Variants in MAPK6 observed in about 807,000 individuals in gnomAD.
MAPK6 encodes mitogen-activated protein kinase 6.
MAPK6 carries 19 observed loss-of-function variants against 59.3 expected under a neutral mutation model. The ratio of observed to expected loss-of-function variants is 0.32; its 90% CI spans 0.22 to 0.47. The LOEUF (loss-of-function observed/expected upper bound fraction) is 0.47. Ranked by LOEUF, MAPK6 falls within the 20% of genes least tolerant of loss-of-function variation. The pLI is 1.00. For synonymous variants in MAPK6, 316 were observed against 290.3 expected (o/e 1.09, Z -0.90); for missense variants, 724 against 847.9 (o/e 0.85, Z 1.81).
intron 1 of MAPK6, among the ~76,000 whole-genome samples, chr15:52,039,509 C>CTTTTTTTTTTTTTTTTTTTTTT (rs11341546): frequency 1.2e-5 from 1 of 85,880 alleles, no homozygotes; most frequent in Non-Finnish European, 2.4e-5. Flanking sequence ...AGTGTTTTGT[C>CTTTTTTTTTTTTTTTTTTTTTT]TTTTTTTTTT....
At chr15:52,003,361 G>T (rs920415144) in intron 2 of MAPK6, among the ~76,000 whole-genome samples, 8 of 152,164 alleles carry the variant, frequency 5.3e-5, no homozygotes, top group Non-Finnish European at 1.2e-4. Flanking sequence ...TGAGATTTGG[G>T]TGGGGACACA....
At chr15:52,013,221 C>G (rs1402707724) in intron 3 of MAPK6, among the ~76,000 whole-genome samples, 1 of 151,108 alleles carries the variant, frequency 6.6e-6, no homozygotes, top group Non-Finnish European at 1.5e-5. Flanking sequence ...AAATGACCAA[C>G]CTCTTGGTTA....
At chr15:52,039,708 G>C (rs756626709) in intron 1 of MAPK6, among the ~76,000 whole-genome samples, 3 of 151,444 alleles carry the variant, frequency 2.0e-5, no homozygotes, top group Non-Finnish European at 4.4e-5. Context: ...TAGAGACAGG[G>C]GTTTTACCAT....
At chr15:52,013,861 T>C (rs2030160163) in intron 3 of MAPK6, among the ~76,000 whole-genome samples, 1 of 152,320 alleles carries the variant, frequency 6.6e-6, no homozygotes, top group East Asian at 1.9e-4. Flanking sequence ...TTCCTATTAA[T>C]GCCAGTGTTA....
intron 3 of MAPK6, among the ~76,000 whole-genome samples, chr15:52,051,754 A>G (rs2031790187): frequency 6.6e-6 from 1 of 151,908 alleles, no homozygotes; most frequent in Admixed American, 6.6e-5. Context: ...CACGCCTGTA[A>G]TCCCAGCTAC....
intron 5 of MAPK6, among the ~76,000 whole-genome samples, chr15:52,062,947 C>T (rs1478864440): frequency 6.6e-6 from 1 of 152,076 alleles, no homozygotes; most frequent in Non-Finnish European, 1.5e-5. Flanking sequence ...TCTTTTTAAT[C>T]TTAAGATTTT....
chr15:52,047,682 C>G (rs955049994), intron 2 of MAPK6, among the ~76,000 whole-genome samples: 1 of 143,764 alleles, frequency 7.0e-6, no homozygotes, highest in Admixed American at 7.2e-5. Context: ...GTGACAAGAT[C>G]TTGCTGTGTT....
rs879144617 is a variant in MAPK6, at chr15:52,045,900, C to G, written c.-561C>G. 2 of 152,904 alleles carry G rather than the reference C, an allele frequency of 1.3e-5. No individual in the cohort carries two copies. Among genetic ancestry groups the G allele is most frequent in the South Asian group, 4.1e-4 (2 of 4,848 alleles). 9.5% of individuals were successfully genotyped at this position (152,904 alleles called of 1,614,324 possible). On this transcript the variant is annotated 5_prime_UTR_variant, in exon 2 of 6. Coordinates refer to ENST00000261845, the MANE Select transcript of MAPK6 (RefSeq NM_002748.4). ...TGAGCTGGAGCCACCTGATCACTAA[C>G]AAAAGACATCTTCTGTTAACCAACA...
At chr15:52,049,571 A>G (rs1267273033) in intron 2 of MAPK6, among the ~76,000 whole-genome samples, 1 of 147,168 alleles carries the variant, frequency 6.8e-6, no homozygotes, top group Non-Finnish European at 1.5e-5. Flanking sequence ...CAAGTGATCC[A>G]CCTACCTCGG....
At chr15:51,983,005 C>A (rs1396234680) in intron 1 of MAPK6, among the ~76,000 whole-genome samples, 1 of 152,136 alleles carries the variant, frequency 6.6e-6, no homozygotes, top group African/African-American at 2.4e-5. Flanking sequence ...ATAAGTTTAA[C>A]TTTCAGATGT....
intron 1 of MAPK6, among the ~76,000 whole-genome samples, chr15:52,025,083 A>G (rs1247558888): frequency 6.6e-6 from 1 of 151,934 alleles, no homozygotes; most frequent in African/African-American, 2.4e-5. Context: ...TCTACAAAAT[A>G]AAATAAAATT....
At chr15:52,044,398 G>T (rs544980035) in intron 1 of MAPK6, among the ~76,000 whole-genome samples, 4 of 152,114 alleles carry the variant, frequency 2.6e-5, no homozygotes, top group African/African-American at 4.8e-5. Flanking sequence ...AATGAGTTGC[G>T]TTTACTGAGG....
upstream of MAPK6, chr15:52,018,774 T>C (rs982976210): frequency 1.3e-5 from 2 of 152,442 alleles, no homozygotes; most frequent in Admixed American, 1.3e-4. Flanking sequence ...CCTTCCTCCA[T>C]ACTCTGGCAG....
At chr15:52,022,820 A>C (rs575042027) in intron 1 of MAPK6, among the ~76,000 whole-genome samples, 2 of 152,270 alleles carry the variant, frequency 1.3e-5, no homozygotes, top group East Asian at 3.9e-4. Context: ...GAGTTTAAAA[A>C]CAAACTGAGG....
chr15:52,016,792 T>C (rs746254372), upstream of MAPK6, among the ~76,000 whole-genome samples: 2 of 152,146 alleles, frequency 1.3e-5, no homozygotes, highest in Non-Finnish European at 2.9e-5. Context: ...ATGCCTGTAA[T>C]CCCAGCACTT....
At chr15:52,027,141 C>T (rs1350545569) in intron 1 of MAPK6, among the ~76,000 whole-genome samples, 1 of 151,862 alleles carries the variant, frequency 6.6e-6, no homozygotes, top group Non-Finnish European at 1.5e-5. Context: ...ATCACAAGGT[C>T]AGGAGTTCAA....
chr15:52,025,293 C>T (rs1430981400), intron 1 of MAPK6, among the ~76,000 whole-genome samples: 1 of 152,124 alleles, frequency 6.6e-6, no homozygotes, highest in Non-Finnish European at 1.5e-5. Flanking sequence ...GGTTGCTCAG[C>T]TCGTTAGTCT....
chr15:51,991,590 A>G (rs1043475807), intron 2 of MAPK6, among the ~76,000 whole-genome samples: 4 of 152,258 alleles, frequency 2.6e-5, no homozygotes, highest in Non-Finnish European at 5.9e-5. Context: ...ACCAGTCTCC[A>G]GGGAACTAGT....
chr15:52,033,764 A>G lies in MAPK6; in HGVS notation c.-631-12066A>G, dbSNP rs1482331225. 2.0e-5 allele frequency: 3 copies of G among 152,006 alleles called. No homozygotes were observed. The East Asian group carries it at 5.8e-4, about 29-fold the overall frequency. 9.4% of individuals were successfully genotyped at this position (152,006 alleles called of 1,614,324 possible). A position where few individuals can be genotyped will look rare whatever the true frequency, so the allele number is the denominator to read the frequency against. On this transcript the variant is annotated intron_variant, in intron 1 of 5. Transcript: ENST00000261845. ...CTGTCCCTGTGGAGAAGTGTGACTAATACATCTGGGTTAATAGGCTTTGTT... is the reference window on the plus strand; with the variant it reads ...CTGTCCCTGTGGAGAAGTGTGACTAGTACATCTGGGTTAATAGGCTTTGTT...
Sources: gnomAD v4.1 joint callset for allele counts (sites outside exome capture counted in the v4.1 genomes callset) on GRCh38, gnomAD v4.1.1 for gene constraint, MANE v1.5 for transcripts, NCBI Gene and HGNC (gene_info 2026-07-23, HGNC 2026-07-21) for gene names.